Variants in RREB1 observed in about 807,000 individuals in gnomAD.
RREB1 encodes the protein ras responsive element binding protein 1.
A neutral mutation model predicts 117.8 loss-of-function variants in RREB1; 27 were observed. The observed-to-expected ratio is 0.23, with a 90% CI of 0.17 to 0.32. RREB1 has a LOEUF of 0.32. Among genes scored for constraint, RREB1 ranks in the 10% least tolerant of loss-of-function variants. The pLI is 1.00. For synonymous variants in RREB1, 1,298 were observed against 1,026.7 expected (o/e 1.26, Z -5.05); for missense variants, 2,577 against 2,378.2 (o/e 1.08, Z -1.74).
At chr6:7,158,967 T>A (rs1763518017) in intron 1 of RREB1, among the ~76,000 whole-genome samples, 1 of 152,132 alleles carries the variant, frequency 6.6e-6, no homozygotes, top group Non-Finnish European at 1.5e-5. Context: ...AGCTCACCCC[T>A]ACCCTCCAAA....
chr6:7,126,155 C>T (rs1761904596), intron 1 of RREB1, among the ~76,000 whole-genome samples: 3 of 152,114 alleles, frequency 2.0e-5, no homozygotes, highest in African/African-American at 4.8e-5. Flanking sequence ...GTGCGCACCA[C>T]CACACCCAGC....
chr6:7,247,143 A>C lies in RREB1; in HGVS notation c.4693A>C (p.Arg1565=), dbSNP rs1474081884. The change falls in exon 12 of 13, where the codon AGG becomes CGG. Residue 1565 remains arginine (R), a synonymous_variant. Transcript: ENST00000379938. ...AAGCGTGGCCAGCAAGGCAGACAAG[A>C]GGAAGAAGGTCTGCAGCGTGTGCAA... The part of the protein sequence containing the change: ...PKSVASKADK[R]KKVCSVCNKR... The C allele has an allele frequency of 6.2e-7, 1 of 1,613,786 alleles. No individual in the cohort carries two copies. Among genetic ancestry groups the C allele is most frequent in the African/African-American group, 1.3e-5 (1 of 74,894 alleles).
At position 7,229,850 on chromosome 6, in the gene RREB1, C is replaced by T. The variant is rs1767816873; in HGVS notation, c.1751C>T (p.Ala584Val). The T allele has an allele frequency of 1.9e-6, 3 of 1,610,044 alleles. No homozygotes were observed. The highest frequency in any genetic ancestry group is 2.5e-6 in the Non-Finnish European group (3 of 1,178,408). Residue 584 changes from alanine (A) to valine (V), a missense_variant, in exon 10 of 13, where the codon GCG (alanine) becomes GTG (valine). Physicochemically the swap from Ala to Val is moderately conservative, Grantham distance 64. Transcript: ENST00000379938. This position sits in a 1 kb window ranked among gnomAD's most constrained non-coding sequence, Gnocchi z 4.5. ...CGGCTCTCCCTGCAGCAGCCGCGGG[C>T]GGAGCTGCCGGGCCAGCCTGAGATG... ...ATRLSLQQPR[A>V]ELPGQPEMKT...
At chr6:7,117,923 G>A (rs1761486577) in intron 1 of RREB1, among the ~76,000 whole-genome samples, 1 of 152,074 alleles carries the variant, frequency 6.6e-6, no homozygotes, top group African/African-American at 2.4e-5. Flanking sequence ...GACATAGTGT[G>A]TGGAAGTTCT....
At chr6:7,237,980 A>G (rs1275980181) in intron 10 of RREB1, among the ~76,000 whole-genome samples, 1 of 152,172 alleles carries the variant, frequency 6.6e-6, no homozygotes, top group Non-Finnish European at 1.5e-5. Flanking sequence ...AAGGTGACGC[A>G]CTTACCAGTG....
rs779928406 is a variant in RREB1, at chr6:7,246,756, G to T, written c.4306G>T (p.Ala1436Ser). ...CAAGCTGGCGGAGGGCGACGGCGAG[G>T]CAGGCGCCGGGGGCGCGGCCTCGCA... is the stretch of plus-strand genomic sequence containing the variant. ...DFKLAEGDGE[A>S]GAGGAASQEQ... Residue 1436 changes from alanine (A) to serine (S), a missense_variant, in exon 12 of 13, where the codon GCA becomes TCA. Coordinates refer to ENST00000379938, the MANE Select transcript of RREB1 (RefSeq NM_001003699.4). 2.6e-6 allele frequency: 4 copies of T among 1,566,682 alleles called. No homozygotes were observed. In the Admixed American group the frequency reaches 5.7e-5, roughly 22 times the overall value.
chr6:7,180,832 A>C (rs932221528), intron 2 of RREB1, among the ~76,000 whole-genome samples: 2 of 152,226 alleles, frequency 1.3e-5, no homozygotes, highest in African/African-American at 4.8e-5. Context: ...ACAGTGTGAA[A>C]GAGAATTTGA....
At chr6:7,247,402 G>A (rs1769153007) in intron 12 of RREB1, among the ~76,000 whole-genome samples, 181 bp downstream of exon 12, 1 of 152,122 alleles carries the variant, frequency 6.6e-6, no homozygotes, top group Non-Finnish European at 1.5e-5. Context: ...CCTTGAAGAC[G>A]GTGCAGGCCT....
At position 7,231,891 on chromosome 6, in the gene RREB1, C is replaced by T. The variant is rs1311445938; in HGVS notation, c.3792C>T (p.His1264=). 16 of 1,603,260 alleles carry T rather than the reference C, an allele frequency of 1.0e-5. No homozygotes were observed. The highest frequency in any genetic ancestry group is 4.5e-5 in the East Asian group (2 of 44,718). ...VFPWASSLQR[H]MLTHTGQKPF... is the part of the protein sequence containing the mutation. ...CTTGGGCCAGCTCCCTACAGAGGCA[C>T]ATGCTCACACACACTGGTAAGAGGG... Residue 1264 remains histidine, a synonymous_variant, in exon 10 of 13, where the codon CAC becomes CAT. Transcript: ENST00000379938.
At chr6:7,193,132 G>A (rs370532401) in intron 6 of RREB1, among the ~76,000 whole-genome samples, 96 of 152,168 alleles carry the variant, frequency 6.3e-4, no homozygotes, top group African/African-American at 2.0e-3. Context: ...CATTATGGTC[G>A]GGGAAATTCA....
intron 2 of RREB1, among the ~76,000 whole-genome samples, chr6:7,179,574 T>C (rs72816946): frequency 0.15 from 22,843 of 152,106 alleles, 1,832 homozygotes; most frequent in East Asian, 0.28. Flanking sequence ...AAGAAGGAGG[T>C]GAGTTCAGTA....
At chr6:7,180,136 A>G (rs1367756999) in intron 2 of RREB1, among the ~76,000 whole-genome samples, 3 of 152,140 alleles carry the variant, frequency 2.0e-5, no homozygotes, top group African/African-American at 7.2e-5. Flanking sequence ...TAGTCCTTTT[A>G]CCTACCAGTT....
chr6:7,230,644 G>A lies in RREB1; in HGVS notation c.2545G>A (p.Gly849Ser). 1.2e-6 allele frequency: 2 copies of A among 1,602,084 alleles called. 1 individual carries two copies. Among genetic ancestry groups the A allele is most frequent in the South Asian group, 2.2e-5 (2 of 89,646 alleles). The change falls in exon 10 of 13, where the codon GGC becomes AGC. Residue 849 changes from glycine to serine, a missense_variant. Coordinates refer to ENST00000379938, the MANE Select transcript of RREB1 (RefSeq NM_001003699.4). ...AEASGRGEDS[G>S]CAALGDCKPL... ...GGCGTCGGGGCGCGGGGAGGACAGT[G>A]GCTGCGCTGCCCTTGGTGACTGCAA...
intron 8 of RREB1, among the ~76,000 whole-genome samples, chr6:7,225,247 A>G (rs1338064947): frequency 6.6e-6 from 1 of 152,196 alleles, no homozygotes; most frequent in Non-Finnish European, 1.5e-5. Flanking sequence ...ACATAAATAC[A>G]TGGAATGATG....
chr6:7,200,733 A>G (rs1415835291), intron 6 of RREB1, among the ~76,000 whole-genome samples: 3 of 152,226 alleles, frequency 2.0e-5, no homozygotes, highest in Non-Finnish European at 2.9e-5. Context: ...CTCAGTGGAC[A>G]TGTTAAGCAA....
intron 1 of RREB1, among the ~76,000 whole-genome samples, chr6:7,176,254 T>A (rs1374449085): frequency 6.6e-6 from 1 of 152,190 alleles, no homozygotes; most frequent in Non-Finnish European, 1.5e-5. Context: ...TTTTTCCCCC[T>A]CTGTTTCTGA....
intron 11 of RREB1, among the ~76,000 whole-genome samples, chr6:7,242,023 C>T (rs527989258): frequency 4.2e-4 from 64 of 152,322 alleles, no homozygotes; most frequent in Non-Finnish European, 5.9e-5. Flanking sequence ...AACCATCAGC[C>T]GCCACATTAC....
intron 1 of RREB1, among the ~76,000 whole-genome samples, chr6:7,142,219 TTA>T (rs1491534468): frequency 1.5e-5 from 2 of 136,170 alleles, no homozygotes; most frequent in African/African-American, 6.3e-5. Context: ...CCGTCTTAAT[TTA>T]AAAAAAAAAA....
In RREB1 at chr6:7,184,051, C is replaced by G. The variant is rs578079576; in HGVS notation, c.171+1969C>G. The G allele has an allele frequency of 9.2e-5, 14 of 152,220 alleles. 1 individual carries two copies. In the East Asian group the frequency reaches 2.7e-3, roughly 30 times the overall value. 9.4% of individuals were successfully genotyped at this position (152,220 alleles called of 1,614,324 possible). Reference sequence around the variant, plus strand: ...CCAGCATGGCTGCAATAACTGGATTCAGAATTCTCCATTAGGGTGCTGGGC... The same window carrying G: ...CCAGCATGGCTGCAATAACTGGATTGAGAATTCTCCATTAGGGTGCTGGGC... On this transcript the variant is annotated intron_variant, in intron 4 of 12. Transcript: ENST00000379938.
Sources: allele counts gnomAD v4.1 joint callset (sites outside exome capture counted in the v4.1 genomes callset), GRCh38; gene constraint gnomAD v4.1.1; non-coding constraint Gnocchi (gnomAD v3.1); transcripts MANE v1.5; gene names NCBI Gene and HGNC (gene_info 2026-07-23, HGNC 2026-07-21).